Variants in SENP7 observed in about 807,000 individuals in gnomAD.
SENP7 encodes the protein SUMO specific peptidase 7.
A neutral mutation model predicts 141.2 loss-of-function variants in SENP7; 64 were observed. The ratio of observed to expected loss-of-function variants is 0.45; its 90% CI spans 0.37 to 0.56. The LOEUF (loss-of-function observed/expected upper bound fraction) is 0.56, where lower values mean the gene tolerates loss of function less well. Among genes scored for constraint, SENP7 ranks in the 20% least tolerant of loss-of-function variants. The pLI is 0.00. For synonymous variants in SENP7, 382 were observed against 426.4 expected, an observed-to-expected ratio of 0.90 and a Z score of 1.28; for missense variants, 1,025 against 1,212.2, an observed-to-expected ratio of 0.85 and a Z score of 2.29.
chr3:101,368,261 T>G (rs999561960), intron 7 of SENP7, among the ~76,000 whole-genome samples: 11 of 151,830 alleles, frequency 7.2e-5, no homozygotes, highest in Non-Finnish European at 1.5e-5. Flanking sequence ...AGAAGAAATA[T>G]CCTTTTTCAT....
At chr3:101,447,273 C>T (rs2062933458) in intron 4 of SENP7, among the ~76,000 whole-genome samples, 1 of 151,898 alleles carries the variant, frequency 6.6e-6, no homozygotes, top group Non-Finnish European at 1.5e-5. Flanking sequence ...AATGAGACCC[C>T]GTCTCTACAA....
At chr3:101,351,179 G>C (rs2059603438) in intron 12 of SENP7, among the ~76,000 whole-genome samples, 1 of 151,900 alleles carries the variant, frequency 6.6e-6, no homozygotes, top group Non-Finnish European at 1.5e-5. Flanking sequence ...TGAGAAAATG[G>C]TGTGAGTCTC....
intron 1 of SENP7, among the ~76,000 whole-genome samples, chr3:101,511,880 T>C (rs1011151374): frequency 6.6e-6 from 1 of 152,084 alleles, no homozygotes; most frequent in Non-Finnish European, 1.5e-5. Flanking sequence ...AGTGCAGTGG[T>C]GCGATCTCGG....
At chr3:101,455,311 TC>T (rs1306935259) in intron 4 of SENP7, among the ~76,000 whole-genome samples, 2 of 152,190 alleles carry the variant, frequency 1.3e-5, no homozygotes, top group Non-Finnish European at 2.9e-5. Flanking sequence ...CTAAATTTCC[TC>T]AACTATGAGA....
At chr3:101,343,339 T>C (rs2059376436) in intron 14 of SENP7, among the ~76,000 whole-genome samples, 1 of 152,234 alleles carries the variant, frequency 6.6e-6, no homozygotes, top group Non-Finnish European at 1.5e-5. Flanking sequence ...AAACATAGTG[T>C]TCTACTTGTG....
At chr3:101,450,675 G>C (rs2063097472) in intron 4 of SENP7, among the ~76,000 whole-genome samples, 1 of 152,172 alleles carries the variant, frequency 6.6e-6, no homozygotes, top group Non-Finnish European at 1.5e-5. Flanking sequence ...CGAGGACAAA[G>C]ACACAACACA....
intron 6 of SENP7, among the ~76,000 whole-genome samples, chr3:101,391,334 C>T (rs1477156203): frequency 2.7e-5 from 2 of 73,218 alleles, no homozygotes; most frequent in African/African-American, 5.5e-5. Context: ...TCACTGGCTA[C>T]ACCAACCAAG....
At chr3:101,456,823 C>T (rs1011107259) in intron 4 of SENP7, among the ~76,000 whole-genome samples, 7 of 152,062 alleles carry the variant, frequency 4.6e-5, no homozygotes, top group Admixed American at 3.9e-4. Flanking sequence ...GATGGTGTTT[C>T]GCCATGTTGC....
chr3:101,469,041 C>CA (rs910229362), intron 3 of SENP7, among the ~76,000 whole-genome samples: 6 of 148,226 alleles, frequency 4.0e-5, no homozygotes, highest in Admixed American at 1.3e-4. Flanking sequence ...AAATGGAAAG[C>CA]AAAAAAAAAG....
intron 2 of SENP7, among the ~76,000 whole-genome samples, chr3:101,499,900 C>A (rs1254451740): frequency 6.6e-6 from 1 of 152,022 alleles, no homozygotes; most frequent in Non-Finnish European, 1.5e-5. Context: ...AACTCCTGAC[C>A]TAAGATGATC....
chr3:101,356,244 T>A (rs2059739557), intron 11 of SENP7, among the ~76,000 whole-genome samples: 1 of 152,186 alleles, frequency 6.6e-6, no homozygotes, highest in Admixed American at 6.5e-5. Flanking sequence ...ATTTTCATCA[T>A]GCATCTCACA....
At chr3:101,344,983 A>G (rs2059418804) in intron 13 of SENP7, among the ~76,000 whole-genome samples, 1 of 136,794 alleles carries the variant, frequency 7.3e-6, no homozygotes, top group African/African-American at 2.7e-5. Flanking sequence ...CTCTAGAAAA[A>G]AAGAAAGCAA....
intron 11 of SENP7, 133 bp downstream of exon 11, chr3:101,361,582 C>G (rs1469127301): frequency 1.0e-6 from 1 of 964,820 alleles, no homozygotes; most frequent in East Asian, 3.3e-5. Context: ...TAATGACTTT[C>G]AACATATCCA....
intron 3 of SENP7, among the ~76,000 whole-genome samples, chr3:101,482,027 T>C (rs999120889): frequency 2.0e-5 from 3 of 152,084 alleles, no homozygotes; most frequent in African/African-American, 4.8e-5. Flanking sequence ...AATGAAATAC[T>C]TGGCCAGGCG....
In SENP7 at chr3:101,453,093, C is replaced by T. The variant is rs983018686; in HGVS notation, c.284+5862G>A. On this transcript the variant is annotated intron_variant, in intron 4 of 23. Coordinates refer to ENST00000394095, the MANE Select transcript of SENP7 (RefSeq NM_020654.5). The stretch of plus-strand genomic sequence containing the variant: ...CACTTCTCAAAAGAAGACATTTATG[C>T]AGCCAAAAGACACATGAAAAAATGC... 5.3e-5 allele frequency among the ~76,000 whole-genome samples: 8 copies of T among 152,282 alleles called. No homozygotes were observed. The Middle Eastern group carries it at 0.01, about 194-fold the overall frequency.
chr3:101,455,111 T>C (rs569524399), intron 4 of SENP7, among the ~76,000 whole-genome samples: 1 of 152,136 alleles, frequency 6.6e-6, no homozygotes, highest in African/African-American at 2.4e-5. Flanking sequence ...TACAAACATA[T>C]GGAAACTTTC....
At chr3:101,434,951 A>C (rs2062326680) in intron 4 of SENP7, among the ~76,000 whole-genome samples, 1 of 151,896 alleles carries the variant, frequency 6.6e-6, no homozygotes, top group South Asian at 2.1e-4. Flanking sequence ...ACCAAAACCA[A>C]ACAAAGAAAC....
At chr3:101,414,623 T>C (rs771534507) in intron 5 of SENP7, 262 of 1,577,394 alleles carry the variant, frequency 1.7e-4, no homozygotes, top group Admixed American at 3.2e-4. Context: ...CTCTTAGCCA[T>C]TGGGAAATAA....
intron 6 of SENP7, among the ~76,000 whole-genome samples, chr3:101,375,358 C>T (rs960607363): frequency 1.3e-5 from 2 of 151,852 alleles, no homozygotes. Flanking sequence ...GCCTTTCCAA[C>T]ATGGAGAAAC....
Sources: allele counts gnomAD v4.1 joint callset (sites outside exome capture counted in the v4.1 genomes callset), GRCh38; gene constraint gnomAD v4.1.1; transcripts MANE v1.5; gene names NCBI Gene and HGNC (gene_info 2026-07-23, HGNC 2026-07-21).